LRRC63: variants seen among roughly 807,000 people sequenced by gnomAD.
LRRC63 encodes the protein leucine-rich repeat-containing protein 63.
In LRRC63, 40 loss-of-function variants were observed where a neutral mutation model predicts 49.5. The ratio of observed to expected loss-of-function variants is 0.81; its 90% CI spans 0.63 to 1.05. LRRC63 has a LOEUF of 1.05. Ranked by LOEUF, LRRC63 falls within the 50% of genes least tolerant of loss-of-function variation. The probability of loss-of-function intolerance (pLI) is 0.00; values close to 1 mark genes in which losing one functional copy is unlikely to be tolerated. For missense variants in LRRC63, 636 were observed against 663.1 expected, an observed-to-expected ratio of 0.96 and a Z score of 0.45; for synonymous variants, 191 against 221.1, an observed-to-expected ratio of 0.86 and a Z score of 1.21.
At position 46,228,653 on chromosome 13, in the gene LRRC63, T is replaced by C; in HGVS notation, c.764-12T>C. On this transcript the variant is annotated splice_polypyrimidine_tract_variant and intron_variant, in intron 3 of 9. Coordinates refer to ENST00000595396, the Ensembl canonical transcript of LRRC63. ...TATCCAAAGTCATCCCATTTGTTTTTCATTTTTCTAGAAACTCTTGTAACA... is the reference window on the plus strand; with the variant it reads ...TATCCAAAGTCATCCCATTTGTTTTCCATTTTTCTAGAAACTCTTGTAACA... 6.6e-7 allele frequency: 1 copy of C among 1,514,168 alleles called. No homozygotes were observed. 93.8% of individuals were successfully genotyped at this position (1,514,168 alleles called of 1,614,324 possible).
At chr13:46,229,060 A>C (rs1397776170) in intron 4 of LRRC63, among the ~76,000 whole-genome samples, 1 of 152,224 alleles carries the variant, frequency 6.6e-6, no homozygotes, top group Non-Finnish European at 1.5e-5. Context: ...ATTTGAAGAA[A>C]GATTATACCA....
intron 4 of LRRC63, among the ~76,000 whole-genome samples, chr13:46,231,194 C>G (rs1347133521): frequency 2.0e-5 from 3 of 152,164 alleles, no homozygotes; most frequent in African/African-American, 7.2e-5. Context: ...CTGCCTGTTA[C>G]CTGGTTCCAA....
intron 6 of LRRC63, chr13:46,250,112 GCACCATT>G: frequency 4.1e-6 from 1 of 243,482 alleles, no homozygotes; most frequent in Non-Finnish European, 7.9e-6. Flanking sequence ...ACTTAGGAAA[GCACCATT>G]CTTGAGTCAA....
intron 8 of LRRC63, among the ~76,000 whole-genome samples, 160 bp from the exon 9 acceptor site, chr13:46,266,573 A>G (rs2047686945): frequency 6.6e-6 from 1 of 152,214 alleles, no homozygotes; most frequent in South Asian, 2.1e-4. Context: ...CTATTGCTTT[A>G]TAAATTAATT....
At chr13:46,214,165 C>A (rs2046178550) in intron 2 of LRRC63, among the ~76,000 whole-genome samples, 1 of 152,146 alleles carries the variant, frequency 6.6e-6, no homozygotes, top group South Asian at 2.1e-4. Flanking sequence ...CCTCTTCCAT[C>A]TGATTTTAGT....
At chr13:46,276,826 GTGTATATATATATATATATATATATTTA>G (rs2047844560) in exon 10 of LRRC63, 3 of 165,350 alleles carry the variant, frequency 1.8e-5, no homozygotes, top group Admixed American at 8.1e-5. Context: ...TCGTATGTGT[GTGTATATATATATATATATATATATTTA>G]TATATATATA....
intron 5 of LRRC63, among the ~76,000 whole-genome samples, chr13:46,237,433 T>A (rs2046934069): frequency 6.6e-6 from 1 of 152,148 alleles, no homozygotes; most frequent in Non-Finnish European, 1.5e-5. Flanking sequence ...ACCAACATGG[T>A]GTACAAGTTG....
chr13:46,270,149 A>G (rs1325321), intron 9 of LRRC63: 194,656 of 721,330 alleles, frequency 0.27, 28,194 homozygotes, highest in East Asian at 0.38. Flanking sequence ...TCGCTGGTAC[A>G]AAGCAGATGT....
intron 2 of LRRC63, among the ~76,000 whole-genome samples, chr13:46,223,593 C>T (rs535743110): frequency 2.0e-5 from 3 of 151,818 alleles, no homozygotes; most frequent in Non-Finnish European, 4.4e-5. Context: ...CAGTGGCTCA[C>T]GCCTGTAATC....
At chr13:46,213,803 C>T (rs1324071788) in intron 2 of LRRC63, among the ~76,000 whole-genome samples, 2 of 152,152 alleles carry the variant, frequency 1.3e-5, no homozygotes, top group South Asian at 4.1e-4. Flanking sequence ...CAGAGGTTTG[C>T]AGGAACCTAG....
At chr13:46,223,545 GAAA>G (rs2046476884) in intron 2 of LRRC63, among the ~76,000 whole-genome samples, 1 of 147,468 alleles carries the variant, frequency 6.8e-6, no homozygotes, top group Non-Finnish European at 1.5e-5. Context: ...TTTAGCCTGT[GAAA>G]TTTCTGCTAA....
chr13:46,228,089 A>G, exon 3 of LRRC63: 2 of 1,550,894 alleles, frequency 1.3e-6, no homozygotes, highest in African/African-American at 2.7e-5. Flanking sequence ...AACATTTTAA[A>G]TCAACTGCTA....
chr13:46,251,042 C>T (rs775075247), intron 7 of LRRC63, among the ~76,000 whole-genome samples: 39 of 151,874 alleles, frequency 2.6e-4, no homozygotes, highest in Middle Eastern at 3.4e-3. Context: ...TTATTTAACT[C>T]CTAATGAAAA....
chr13:46,228,319 T>C (rs1416407506), intron 3 of LRRC63, 130 bp downstream of exon 3: 24 of 695,850 alleles, frequency 3.4e-5, no homozygotes, highest in Non-Finnish European at 5.4e-5. Context: ...CTTTTATATA[T>C]ACATGTAATA....
rs763192447 is a variant in LRRC63, at chr13:46,250,323, G to A, written c.1090-32G>A. On this transcript the variant is annotated intron_variant, in intron 6 of 9. Coordinates refer to ENST00000595396, the Ensembl canonical transcript of LRRC63. Reference sequence around the variant, plus strand: ...AATGATTTGCATACTTTATTATTCCGCTCATGTTTGTTTCTCTTTTCTGTT... The same window carrying A: ...AATGATTTGCATACTTTATTATTCCACTCATGTTTGTTTCTCTTTTCTGTT... The A allele has an allele frequency of 6.3e-6, 9 of 1,439,344 alleles. No individual in the cohort carries two copies. The East Asian group carries it at 1.0e-4, about 16-fold the overall frequency. The allele number at this position is 1,439,344 out of a possible 1,614,324, so 89.2% of individuals were successfully genotyped here. A position where few individuals can be genotyped will look rare whatever the true frequency, so the allele number is the denominator to read the frequency against.
At chr13:46,222,424 G>A (rs1002600266) in intron 2 of LRRC63, among the ~76,000 whole-genome samples, 5 of 152,076 alleles carry the variant, frequency 3.3e-5, no homozygotes, top group Non-Finnish European at 7.4e-5. Flanking sequence ...AATCCATTTC[G>A]AGTTGATTGT....
chr13:46,267,227 G>A (rs1252141702), intron 9 of LRRC63, among the ~76,000 whole-genome samples: 1 of 152,210 alleles, frequency 6.6e-6, no homozygotes, highest in African/African-American at 2.4e-5. Flanking sequence ...CTCTATGGCT[G>A]TTGCATAAAT....
intron 5 of LRRC63, 30 bp from the exon 6 acceptor site, chr13:46,246,497 A>T: frequency 8.7e-7 from 1 of 1,150,018 alleles, no homozygotes; most frequent in Non-Finnish European, 1.2e-6. Context: ...GTTAGTGATT[A>T]ACACCTTATC....
intron 9 of LRRC63, among the ~76,000 whole-genome samples, chr13:46,272,116 G>A (rs575055658): frequency 9.8e-5 from 15 of 152,288 alleles, no homozygotes; most frequent in Admixed American, 2.6e-4. Context: ...AATGGGTAGC[G>A]TCTACAATGT....
Sources: gnomAD v4.1 joint callset for allele counts (sites outside exome capture counted in the v4.1 genomes callset) on GRCh38, gnomAD v4.1.1 for gene constraint, MANE v1.5 for transcripts, NCBI Gene and HGNC (gene_info 2026-07-23, HGNC 2026-07-21) for gene names.